The following ATG10 variants were observed in gnomAD, a reference collection of about 807,000 sequenced individuals.
The protein encoded by ATG10 is autophagy related 10.
Under a neutral mutation model 32.1 loss-of-function variants are expected in ATG10, and 30 were observed. The ratio of observed to expected loss-of-function variants is 0.94; its 90% CI spans 0.70 to 1.27. ATG10 has a LOEUF of 1.27. Ranked by LOEUF, ATG10 falls within the 50% of genes most tolerant of loss-of-function variation. The pLI is 0.00. For synonymous variants in ATG10, 87 were observed against 91.5 expected (o/e 0.95, Z 0.28); for missense variants, 233 against 262.3 (o/e 0.89, Z 0.77).
At chr5:81,993,402 T>TCTTTTCTTTTCTTTTCTTTTCTTTA (rs1761557983) in intron 2 of ATG10, among the ~76,000 whole-genome samples, 1 of 135,288 alleles carries the variant, frequency 7.4e-6, no homozygotes, top group Non-Finnish European at 1.5e-5. Context: ...TTTTTTCTTT[T>TCTTTTCTTTTCTTTTCTTTTCTTTA]CTTTTCTTTT....
chr5:82,045,337 C>CAT (rs542710556), intron 2 of ATG10, among the ~76,000 whole-genome samples: 154 of 151,610 alleles, frequency 1.0e-3, no homozygotes, highest in Non-Finnish European at 1.7e-3. Context: ...TATATGTGAT[C>CAT]ATATATATAT....
intron 1 of ATG10, among the ~76,000 whole-genome samples, chr5:81,978,109 G>A (rs572596616): frequency 3.9e-5 from 6 of 151,988 alleles, no homozygotes; most frequent in East Asian, 1.9e-4. Flanking sequence ...TTGCTCTGTC[G>A]CCCAAGCTGG....
intron 3 of ATG10, among the ~76,000 whole-genome samples, chr5:82,127,038 A>G (rs1766306774): frequency 6.6e-6 from 1 of 152,206 alleles, no homozygotes; most frequent in South Asian, 2.1e-4. Context: ...GAAATTATCC[A>G]TTTCTTCTAG....
intron 3 of ATG10, among the ~76,000 whole-genome samples, chr5:82,105,410 G>A (rs1187484723): frequency 6.6e-6 from 1 of 152,048 alleles, no homozygotes; most frequent in Non-Finnish European, 1.5e-5. Flanking sequence ...ATAATTTAAA[G>A]TGGAATGAAT....
At chr5:82,195,548 C>T (rs1229864933) in intron 5 of ATG10, among the ~76,000 whole-genome samples, 3 of 152,218 alleles carry the variant, frequency 2.0e-5, no homozygotes, top group Non-Finnish European at 4.4e-5. Context: ...ATTCCTTCCT[C>T]CTCTCAGTTG....
At chr5:82,108,796 T>C (rs912675646) in intron 3 of ATG10, among the ~76,000 whole-genome samples, 1 of 152,020 alleles carries the variant, frequency 6.6e-6, no homozygotes, top group Non-Finnish European at 1.5e-5. Context: ...ATTTTCAGTC[T>C]ATGTGACTAT....
At chr5:82,135,442 T>C (rs1295389308) in intron 3 of ATG10, among the ~76,000 whole-genome samples, 1 of 152,222 alleles carries the variant, frequency 6.6e-6, no homozygotes, top group Non-Finnish European at 1.5e-5. Flanking sequence ...TTCTCATTGG[T>C]TTCAAAGAAC....
At chr5:82,235,006 C>T (rs1746500370) in intron 5 of ATG10, among the ~76,000 whole-genome samples, 1 of 152,220 alleles carries the variant, frequency 6.6e-6, no homozygotes, top group South Asian at 2.1e-4. Context: ...CAGTTCTTCT[C>T]TCTGCTTTCC....
At chr5:81,999,294 A>G (rs1302988654) in intron 2 of ATG10, among the ~76,000 whole-genome samples, 1 of 152,228 alleles carries the variant, frequency 6.6e-6, no homozygotes, top group Non-Finnish European at 1.5e-5. Flanking sequence ...TGGGTAAATA[A>G]TGAAATTAAG....
chr5:82,206,649 C>CA (rs200249945), intron 5 of ATG10, among the ~76,000 whole-genome samples: 1,247 of 84,480 alleles, frequency 0.015, 6 homozygotes, highest in East Asian at 0.071. Flanking sequence ...GACTCCATCT[C>CA]AAAAAAAAAA....
intron 5 of ATG10, among the ~76,000 whole-genome samples, chr5:82,233,380 T>G (rs1471084440): frequency 6.6e-6 from 1 of 152,234 alleles, no homozygotes; most frequent in Non-Finnish European, 1.5e-5. Context: ...TATTATCTGT[T>G]AATTTAAACT....
intron 5 of ATG10, among the ~76,000 whole-genome samples, chr5:82,236,261 TTGG>T (rs1746546981): frequency 6.6e-6 from 1 of 152,202 alleles, no homozygotes; most frequent in African/African-American, 2.4e-5. Flanking sequence ...TATAATGGTC[TTGG>T]TGGTTATCTC....
chr5:82,131,412 G>A (rs544940341), intron 3 of ATG10, among the ~76,000 whole-genome samples: 4 of 152,274 alleles, frequency 2.6e-5, no homozygotes, highest in Non-Finnish European at 4.4e-5. Context: ...AGAGGTTGAA[G>A]TGTGACTGTT....
At chr5:82,250,249 T>G (rs1747200431) in intron 5 of ATG10, among the ~76,000 whole-genome samples, 4 of 152,196 alleles carry the variant, frequency 2.6e-5, no homozygotes, top group Admixed American at 2.0e-4. Context: ...TGCCCCCACA[T>G]TCTGTTCCCA....
chr5:82,052,044 G>A (rs535525545), intron 2 of ATG10, among the ~76,000 whole-genome samples: 2 of 152,206 alleles, frequency 1.3e-5, no homozygotes, highest in Non-Finnish European at 2.9e-5. Context: ...GGCCTTGTTT[G>A]ATCAGTGCTG....
At chr5:82,001,425 T>G (rs1448139641) in intron 2 of ATG10, among the ~76,000 whole-genome samples, 1 of 151,964 alleles carries the variant, frequency 6.6e-6, no homozygotes, top group African/African-American at 2.4e-5. Context: ...GTAACCAAAA[T>G]AGCATGGTAC....
chr5:82,118,387 C>A (rs2562531), intron 3 of ATG10, among the ~76,000 whole-genome samples: 2 of 80,712 alleles, frequency 2.5e-5, no homozygotes, highest in Non-Finnish European at 2.5e-5. Context: ...AATATATGTA[C>A]ATATATATAT....
chr5:82,002,181 C>G (rs917795450), intron 2 of ATG10, among the ~76,000 whole-genome samples: 4 of 152,228 alleles, frequency 2.6e-5, no homozygotes, highest in Non-Finnish European at 4.4e-5. Context: ...TACTTATACA[C>G]TGCTGGTGGG....
intron 5 of ATG10, among the ~76,000 whole-genome samples, chr5:82,184,740 G>A (rs1744383001): frequency 6.6e-6 from 1 of 152,108 alleles, no homozygotes. Flanking sequence ...TGACCTACAA[G>A]TTTATTATTT....
Sources: gnomAD v4.1 joint callset for allele counts (sites outside exome capture counted in the v4.1 genomes callset) on GRCh38, gnomAD v4.1.1 for gene constraint, MANE v1.5 for transcripts, NCBI Gene and HGNC (gene_info 2026-07-23, HGNC 2026-07-21) for gene names.